Variants in BRIP1 observed in about 807,000 individuals in gnomAD.
BRIP1 encodes the protein BRCA1 interacting DNA helicase 1, also known as Fanconi anemia group J protein.
A neutral mutation model predicts 119.7 loss-of-function variants in BRIP1; 88 were observed. The observed-to-expected ratio is 0.74, with a 90% CI of 0.62 to 0.88. The LOEUF (loss-of-function observed/expected upper bound fraction) is 0.88. Among genes scored for constraint, BRIP1 ranks in the 40% least tolerant of loss-of-function variants. The pLI is 0.00. For missense variants in BRIP1, 1,259 were observed against 1,455.4 expected, an observed-to-expected ratio of 0.87 and a Z score of 2.20; for synonymous variants, 443 against 496.5, an observed-to-expected ratio of 0.89 and a Z score of 1.43.
chr17:61,682,977 C>A lies in BRIP1; in HGVS notation c.*319G>T, dbSNP rs1057421039. The stretch of plus-strand genomic sequence containing the variant: ...TGAAACCCCATCTCTACTAAAAATA[C>A]AAAAACTAGCTGGGCATGGTGGTGC... On this transcript the variant is annotated 3_prime_UTR_variant, in exon 20 of 20. Transcript: ENST00000259008. This position sits in a 1 kb window ranked among gnomAD's most constrained non-coding sequence, Gnocchi z 4.9. 46 of 284,810 alleles carry A rather than the reference C, an allele frequency of 1.6e-4. 1 individual carries two copies. Among genetic ancestry groups the A allele is most frequent in the Non-Finnish European group, 1.3e-5 (2 of 150,370 alleles). 17.6% of individuals were successfully genotyped at this position (284,810 alleles called of 1,614,324 possible).
rs2078492102 is a variant in BRIP1 at position 61,831,494 on chromosome 17, C to T, written c.627+15607G>A. ...TAAGTGGAATCATACAATATCTGTCCTTTTATGACTGGCTTATTTTACTTC... is the reference window on the plus strand; with the variant it reads ...TAAGTGGAATCATACAATATCTGTCTTTTTATGACTGGCTTATTTTACTTC... On this transcript the variant is annotated intron_variant, in intron 6 of 19. Transcript: ENST00000259008. The surrounding 1 kb of genome is among the most constrained non-coding windows in gnomAD (Gnocchi z 4.1). 1.3e-5 allele frequency among the ~76,000 whole-genome samples: 2 copies of T among 152,118 alleles called. No individual in the cohort carries two copies. The highest frequency in any genetic ancestry group is 1.5e-5 in the Non-Finnish European group (1 of 68,012).
In BRIP1 at chr17:61,806,800, C is replaced by T. The variant is rs539635336; in HGVS notation, c.918+1667G>A. Among the ~76,000 whole-genome samples the T allele has an allele frequency of 3.3e-5, 5 of 152,260 alleles. No individual in the cohort carries two copies. Among genetic ancestry groups the T allele is most frequent in the East Asian group, 1.9e-4 (1 of 5,178 alleles). On this transcript the variant is annotated intron_variant, in intron 7 of 19. Transcript: ENST00000259008. This position sits in a 1 kb window ranked among gnomAD's most constrained non-coding sequence, Gnocchi z 4.9. ...GCAACCTCTGCCTCCTGGGTTCAAG[C>T]GATTCTCATGCCTCAGCCTCCCAAG...
chr17:61,714,344 A>G (rs530342609), intron 17 of BRIP1, among the ~76,000 whole-genome samples: 2 of 152,300 alleles, frequency 1.3e-5, no homozygotes, highest in African/African-American at 4.8e-5. Context: ...TATTCGTGGT[A>G]AGTGCCATAT....
intron 4 of BRIP1, among the ~76,000 whole-genome samples, chr17:61,855,899 T>G (rs1249872730): frequency 6.6e-6 from 1 of 152,042 alleles, no homozygotes; most frequent in Non-Finnish European, 1.5e-5. Flanking sequence ...TAACAAGTGC[T>G]ATAAAGGAAA....
intron 3 of BRIP1, among the ~76,000 whole-genome samples, chr17:61,859,042 C>T (rs1301178905): frequency 1.5e-5 from 2 of 136,320 alleles, no homozygotes; most frequent in African/African-American, 2.8e-5. Context: ...TCCCAGGTGA[C>T]GCCACTCAAA....
chr17:61,829,584 C>T (rs2078458952), intron 6 of BRIP1, among the ~76,000 whole-genome samples: 1 of 151,444 alleles, frequency 6.6e-6, no homozygotes, highest in African/African-American at 2.4e-5. Context: ...TAAATGAATA[C>T]CCATACTTTC....
rs1265491349 is a variant in BRIP1, at chr17:61,853,703, T to A, written c.379+3355A>T. Among the ~76,000 whole-genome samples, 1 of 152,092 alleles carries A rather than the reference T, an allele frequency of 6.6e-6. No homozygotes were observed. Among genetic ancestry groups the A allele is most frequent in the African/African-American group, 2.4e-5 (1 of 41,410 alleles). On this transcript the variant is annotated intron_variant, in intron 4 of 19. Transcript: ENST00000259008. This position sits in a 1 kb window ranked among gnomAD's most constrained non-coding sequence, Gnocchi z 4.3. Reference sequence around the variant, plus strand: ...AACTGGATATCCACATGCAAAAAAATGAACTTGAATCCATACCTTACACCA... The same window carrying A: ...AACTGGATATCCACATGCAAAAAAAAGAACTTGAATCCATACCTTACACCA...
intron 14 of BRIP1, among the ~76,000 whole-genome samples, chr17:61,764,867 T>C (rs2077328783): frequency 6.6e-6 from 1 of 152,110 alleles, no homozygotes; most frequent in Non-Finnish European, 1.5e-5. Context: ...ACTTGATCCC[T>C]GCCTGCTATG....
rs876661277 is a variant in BRIP1 at position 61,799,305 on chromosome 17, A to C, written c.1141-6T>G. The stretch of plus-strand genomic sequence containing the variant: ...TCTTTCAGATTTAAATCCATCTATA[A>C]GATAAAAGAATTTTCTTGTAAAACA... On this transcript the variant is annotated splice_polypyrimidine_tract_variant and splice_region_variant and intron_variant, in intron 8 of 19. Coordinates refer to ENST00000259008, the MANE Select transcript of BRIP1 (RefSeq NM_032043.3). This position sits in a 1 kb window ranked among gnomAD's most constrained non-coding sequence, Gnocchi z 5.1. 6.2e-7 allele frequency: 1 copy of C among 1,603,578 alleles called. No homozygotes were observed. The highest frequency in any genetic ancestry group is 2.2e-5 in the East Asian group (1 of 44,812).
intron 16 of BRIP1, among the ~76,000 whole-genome samples, chr17:61,731,289 T>C (rs546838920): frequency 1.3e-5 from 2 of 152,334 alleles, no homozygotes; most frequent in African/African-American, 4.8e-5. Context: ...TTTAAGTTTA[T>C]ATTCACATCC....
rs1426265230 is a variant in BRIP1 at position 61,844,777 on chromosome 17, G to A, written c.627+2324C>T. ...AGAGAATATAAAATAAAGTGATTAG[G>A]GCATTTGCCAGAACATGAGAATGCC... On this transcript the variant is annotated intron_variant, in intron 6 of 19. Coordinates refer to ENST00000259008, the MANE Select transcript of BRIP1 (RefSeq NM_032043.3). The surrounding 1 kb of genome is among the most constrained non-coding windows in gnomAD (Gnocchi z 4.7). Among the ~76,000 whole-genome samples, 1 of 152,196 alleles carries A rather than the reference G, an allele frequency of 6.6e-6. No individual in the cohort carries two copies. Among genetic ancestry groups the A allele is most frequent in the East Asian group, 1.9e-4 (1 of 5,200 alleles).
chr17:61,851,119 T>C lies in BRIP1; in HGVS notation c.380-1863A>G, dbSNP rs1030288904. 6.6e-6 allele frequency among the ~76,000 whole-genome samples: 1 copy of C among 151,698 alleles called. No homozygotes were observed. The highest frequency in any genetic ancestry group is 1.5e-5 in the Non-Finnish European group (1 of 67,928). On this transcript the variant is annotated intron_variant, in intron 4 of 19. Transcript: ENST00000259008. The surrounding 1 kb of genome is among the most constrained non-coding windows in gnomAD (Gnocchi z 4.6). ...GGTGCATGCCTGTAATCCCAGCTACTTGGGAGGCTGAGGCAGGAGAATCAC... is the reference window on the plus strand; with the variant it reads ...GGTGCATGCCTGTAATCCCAGCTACCTGGGAGGCTGAGGCAGGAGAATCAC...
chr17:61,835,924 A>G (rs1463924708), intron 6 of BRIP1, among the ~76,000 whole-genome samples: 3 of 152,226 alleles, frequency 2.0e-5, no homozygotes, highest in Non-Finnish European at 2.9e-5. Flanking sequence ...ACTGTAAAAG[A>G]ACTATTAAAA....
chr17:61,736,751 A>G lies in BRIP1; in HGVS notation c.2379+6262T>C, dbSNP rs2076923936. On this transcript the variant is annotated intron_variant, in intron 16 of 19. Coordinates refer to ENST00000259008, the MANE Select transcript of BRIP1 (RefSeq NM_032043.3). The surrounding 1 kb of genome is among the most constrained non-coding windows in gnomAD (Gnocchi z 4.4). ...GTAATATCTTAGTTGTAGAGACACA[A>G]AGATGCTGAAGAAATTATCCCTATC... Among the ~76,000 whole-genome samples, 1 of 152,200 alleles carries G rather than the reference A, an allele frequency of 6.6e-6. No individual in the cohort carries two copies. The highest frequency in any genetic ancestry group is 6.5e-5 in the Admixed American group (1 of 15,288).
intron 16 of BRIP1, among the ~76,000 whole-genome samples, chr17:61,716,832 A>AAATAATATGCTTCCATATTTTTTCCAC (rs1555581245): frequency 6.6e-6 from 1 of 151,220 alleles, no homozygotes; most frequent in Non-Finnish European, 1.5e-5. Context: ...CCACTACTGG[A>AAATAATATGCTTCCATATTTTTTCCAC]TTATTAGCTA....
At chr17:61,849,087 T>G (rs768063113) in intron 5 of BRIP1, 42 bp downstream of exon 5, 1 of 1,607,322 alleles carries the variant, frequency 6.2e-7, no homozygotes, top group Non-Finnish European at 8.5e-7. Flanking sequence ...CATGTTCAGC[T>G]GTAACTAACT....
intron 14 of BRIP1, among the ~76,000 whole-genome samples, chr17:61,750,707 T>C (rs977274115): frequency 3.7e-5 from 2 of 54,050 alleles, no homozygotes; most frequent in African/African-American, 1.2e-4. Flanking sequence ...TCTTGAATGA[T>C]TAAAAAAAAA....
In BRIP1 at chr17:61,843,479, G is replaced by C. The variant is rs1458197522; in HGVS notation, c.627+3622C>G. 2.0e-5 allele frequency among the ~76,000 whole-genome samples: 3 copies of C among 152,104 alleles called. No homozygotes were observed. The highest frequency in any genetic ancestry group is 7.2e-5 in the African/African-American group (3 of 41,414). On this transcript the variant is annotated intron_variant, in intron 6 of 19. Coordinates refer to ENST00000259008, the MANE Select transcript of BRIP1 (RefSeq NM_032043.3). This position sits in a 1 kb window ranked among gnomAD's most constrained non-coding sequence, Gnocchi z 5.7. The stretch of plus-strand genomic sequence containing the variant: ...CCCTCCAACTCTCATGCTGAAATGT[G>C]ATCCCCCAAGTTGGAGGTGGGGCCT...
At chr17:61,747,623 CAA>C (rs1266614131) in intron 14 of BRIP1, among the ~76,000 whole-genome samples, 1 of 152,088 alleles carries the variant, frequency 6.6e-6, no homozygotes, top group Non-Finnish European at 1.5e-5. Context: ...GAATCAGTAA[CAA>C]AAAGTCTCCC....
Sources: allele counts gnomAD v4.1 joint callset (sites outside exome capture counted in the v4.1 genomes callset), GRCh38; gene constraint gnomAD v4.1.1; non-coding constraint Gnocchi (gnomAD v3.1); transcripts MANE v1.5; gene names NCBI Gene and HGNC (gene_info 2026-07-23, HGNC 2026-07-21).